The following SPTLC2 variants were observed in gnomAD, a reference collection of about 807,000 sequenced individuals.
SPTLC2 encodes serine palmitoyltransferase long chain base subunit 2.
A neutral mutation model predicts 62.0 loss-of-function variants in SPTLC2; 21 were observed. The ratio of observed to expected loss-of-function variants is 0.34; its 90% CI spans 0.24 to 0.49. The LOEUF is 0.49. Among genes scored for constraint, SPTLC2 ranks in the 20% least tolerant of loss-of-function variants. The pLI is 0.99. For missense variants in SPTLC2, 511 were observed against 713.0 expected, an observed-to-expected ratio of 0.72 and a Z score of 3.23; for synonymous variants, 261 against 261.8, an observed-to-expected ratio of 1.00 and a Z score of 0.03.
chr14:77,611,453 C>G, intron 1 of SPTLC2, among the ~76,000 whole-genome samples: 1 of 85,614 alleles, frequency 1.2e-5, no homozygotes, highest in African/African-American at 4.0e-5. Context: ...GAGACCCTAT[C>G]TCGCCAAAAA....
chr14:77,614,350 T>C (rs1294444059), intron 1 of SPTLC2, among the ~76,000 whole-genome samples: 2 of 152,204 alleles, frequency 1.3e-5, no homozygotes, highest in Non-Finnish European at 2.9e-5. Flanking sequence ...CACCTTTCTC[T>C]TGACTTCCTT....
intron 4 of SPTLC2, among the ~76,000 whole-genome samples, chr14:77,574,465 T>C (rs1487429438): frequency 2.0e-5 from 3 of 152,192 alleles, no homozygotes; most frequent in Non-Finnish European, 4.4e-5. Context: ...AACACAGAGT[T>C]ACCATACGAC....
intron 10 of SPTLC2, among the ~76,000 whole-genome samples, chr14:77,518,938 TC>T (rs2079372081): frequency 2.6e-5 from 4 of 152,276 alleles, no homozygotes; most frequent in South Asian, 4.2e-4. Flanking sequence ...TATTTAACAA[TC>T]CCCCACCCCT....
chr14:77,519,888 CTT>C (rs58938174), intron 10 of SPTLC2, among the ~76,000 whole-genome samples: 1 of 150,286 alleles, frequency 6.7e-6, no homozygotes, highest in Non-Finnish European at 1.5e-5. Context: ...TTCTCTAAAT[CTT>C]TTTTTTTTAA....
At chr14:77,596,840 A>G (rs1166141604) in intron 2 of SPTLC2, among the ~76,000 whole-genome samples, 1 of 152,230 alleles carries the variant, frequency 6.6e-6, no homozygotes, top group Non-Finnish European at 1.5e-5. Context: ...GAACAGAAAG[A>G]GCAAGGCTTT....
chr14:77,552,105 T>C lies in SPTLC2; in HGVS notation c.1294A>G (p.Thr432Ala), dbSNP rs781381837. 6.2e-7 allele frequency: 1 copy of C among 1,614,012 alleles called. No homozygotes were observed. Among genetic ancestry groups the C allele is most frequent in the African/African-American group, 1.3e-5 (1 of 74,942 alleles). ...GAAAAGAAAGACTTACCAAGGCTGGTGCCATCCTGCCCCATGATGCACTTC... is the reference window on the plus strand; with the variant it reads ...GAAAAGAAAGACTTACCAAGGCTGGCGCCATCCTGCCCCATGATGCACTTC... The part of the protein sequence containing the change: ...SMKCIMGQDG[T>A]SLGKECVQQL... The change falls in exon 9 of 12, where the codon ACC becomes GCC. Residue 432 changes from threonine to alanine, a missense_variant. By Grantham distance (58) the Thr-to-Ala change is moderately conservative (BLOSUM62 0). Coordinates refer to ENST00000216484, the MANE Select transcript of SPTLC2 (RefSeq NM_004863.4).
In SPTLC2 at chr14:77,578,981, C is replaced by T; in HGVS notation, c.456G>A (p.Gln152=). The change falls in exon 3 of 12, where the codon CAG becomes CAA. Residue 152 remains glutamine, a synonymous_variant. Transcript: ENST00000216484. The stretch of plus-strand genomic sequence containing the variant: ...TGAAGGACCAGTTATAATCATGAGA[C>T]TGTCTCTCCATGATGTCCACCCTGG... ...PGARVDIMER[Q]SHDYNWSFKY... is the part of the protein sequence containing the mutation. 1 of 1,614,064 alleles carries T rather than the reference C, an allele frequency of 6.2e-7. No individual in the cohort carries two copies. The highest frequency in any genetic ancestry group is 2.2e-5 in the East Asian group (1 of 44,864).
chr14:77,513,327 A>AT (rs1446174401), intron 11 of SPTLC2, among the ~76,000 whole-genome samples: 1 of 152,116 alleles, frequency 6.6e-6, no homozygotes, highest in Non-Finnish European at 1.5e-5. Context: ...CTTAAACTTC[A>AT]TTTTTTTAAA....
chr14:77,604,911 C>CA (rs1296915834), intron 1 of SPTLC2, among the ~76,000 whole-genome samples: 3 of 148,482 alleles, frequency 2.0e-5, no homozygotes, highest in African/African-American at 5.0e-5. Flanking sequence ...GTCATGCACA[C>CA]ACATGCTAAT....
intron 9 of SPTLC2, among the ~76,000 whole-genome samples, chr14:77,529,253 CTTTTTT>C (rs67561245): frequency 0.017 from 2,043 of 122,164 alleles, 52 homozygotes; most frequent in African/African-American, 0.055. Flanking sequence ...AAAACTTCTT[CTTTTTT>C]TTTTTTTTTT....
chr14:77,571,486 G>A (rs1362025514), intron 4 of SPTLC2, among the ~76,000 whole-genome samples: 5 of 138,894 alleles, frequency 3.6e-5, no homozygotes, highest in African/African-American at 1.4e-4. Context: ...TCCAGCCTAG[G>A]CAACAGAGCG....
Position 77,515,886 on chromosome 14 carries a change from A to G in SPTLC2, c.1569+2152T>C, listed in dbSNP as rs367682546. Among the ~76,000 whole-genome samples the G allele has an allele frequency of 3.9e-5, 6 of 152,048 alleles. No individual in the cohort carries two copies. In the Middle Eastern group the frequency reaches 0.017, roughly 431 times the overall value. Reference sequence around the variant, plus strand: ...TTCTTCTTTTGAAAATTGTAAAAGAAATTTTCTTTTCATTTGTTCATTGCT... The same window carrying G: ...TTCTTCTTTTGAAAATTGTAAAAGAGATTTTCTTTTCATTTGTTCATTGCT... On this transcript the variant is annotated intron_variant, in intron 11 of 11. Transcript: ENST00000216484.
intron 2 of SPTLC2, among the ~76,000 whole-genome samples, chr14:77,587,624 G>A (rs565908364): frequency 2.7e-4 from 41 of 152,022 alleles, no homozygotes; most frequent in Non-Finnish European, 4.6e-4. Context: ...AAAATTAACC[G>A]GGTGTGGTGG....
intron 9 of SPTLC2, among the ~76,000 whole-genome samples, chr14:77,526,166 G>C (rs1326053199): frequency 6.6e-6 from 1 of 152,168 alleles, no homozygotes; most frequent in Non-Finnish European, 1.5e-5. Flanking sequence ...AATCTTAACA[G>C]ACAACATAGT....
chr14:77,530,693 T>C (rs2079433869), intron 9 of SPTLC2, among the ~76,000 whole-genome samples: 1 of 152,202 alleles, frequency 6.6e-6, no homozygotes, highest in Non-Finnish European at 1.5e-5. Flanking sequence ...AGAGTTATGT[T>C]ACAGCTAAGA....
chr14:77,516,042 A>G (rs1378343278), intron 11 of SPTLC2, among the ~76,000 whole-genome samples: 1 of 146,508 alleles, frequency 6.8e-6, no homozygotes, highest in Admixed American at 6.9e-5. Context: ...ATTTTACAGC[A>G]CTTTCTATAT....
In SPTLC2 at chr14:77,507,420, T is replaced by G. The variant is rs1349300407; in HGVS notation, c.*4864A>C. 6.6e-6 allele frequency: 1 copy of G among 151,598 alleles called. No homozygotes were observed. The highest frequency in any genetic ancestry group is 1.5e-5 in the Non-Finnish European group (1 of 68,004). 9.4% of individuals were successfully genotyped at this position (151,598 alleles called of 1,614,324 possible). On this transcript the variant is annotated 3_prime_UTR_variant, in exon 12 of 12. Transcript: ENST00000216484. ...ATCTTGGCTCATTGCATCCTCTGCC[T>G]CTTGGGTTCAAGCAATTCCTGTGCC...
At chr14:77,600,353 G>C (rs919972037) in intron 1 of SPTLC2, among the ~76,000 whole-genome samples, 2 of 152,174 alleles carry the variant, frequency 1.3e-5, no homozygotes, top group African/African-American at 4.8e-5. Context: ...AAAACAGAGT[G>C]ACTGATGATA....
At chr14:77,574,759 A>G (rs2079704276) in intron 4 of SPTLC2, among the ~76,000 whole-genome samples, 1 of 152,236 alleles carries the variant, frequency 6.6e-6, no homozygotes, top group Admixed American at 6.5e-5. Context: ...CAAATGTTAT[A>G]CAATTCCTTT....
Sources: allele counts gnomAD v4.1 joint callset (sites outside exome capture counted in the v4.1 genomes callset), GRCh38; gene constraint gnomAD v4.1.1; transcripts MANE v1.5; gene names NCBI Gene and HGNC (gene_info 2026-07-23, HGNC 2026-07-21).